Variants in ADIPOR2 observed in about 807,000 individuals in gnomAD.
ADIPOR2 encodes the protein adiponectin receptor protein 2.
ADIPOR2 carries 18 observed loss-of-function variants against 40.9 expected under a neutral mutation model. The ratio of observed to expected loss-of-function variants is 0.44; its 90% CI spans 0.30 to 0.65. The LOEUF is 0.65. Among genes scored for constraint, ADIPOR2 ranks in the 30% least tolerant of loss-of-function variants. The probability of loss-of-function intolerance (pLI) is 0.09; values close to 1 mark genes in which losing one functional copy is unlikely to be tolerated. For synonymous variants in ADIPOR2, 165 were observed against 166.4 expected (o/e 0.99, Z 0.06); for missense variants, 283 against 479.2 (o/e 0.59, Z 3.82).
At chr12:1,745,074 T>C (rs1353741769) in intron 1 of ADIPOR2, among the ~76,000 whole-genome samples, 3 of 152,184 alleles carry the variant, frequency 2.0e-5, no homozygotes, top group Non-Finnish European at 2.9e-5. Context: ...ATTGAAACCC[T>C]AGCAAAACTG....
At position 1,769,701 on chromosome 12, in the gene ADIPOR2, C is replaced by G. The variant is rs1174434393; in HGVS notation, c.172-3141C>G. Among the ~76,000 whole-genome samples, 8 of 152,196 alleles carry G rather than the reference C, an allele frequency of 5.3e-5. No individual in the cohort carries two copies. In the East Asian group the frequency reaches 1.2e-3, roughly 22 times the overall value. ...GGATTACAGGCGCTCGCCACCTCAC[C>G]TGGCTGATTCTTGTATTTGTAGTAG... is the stretch of plus-strand genomic sequence containing the variant. On this transcript the variant is annotated intron_variant, in intron 2 of 7. Coordinates refer to ENST00000357103, the MANE Select transcript of ADIPOR2 (RefSeq NM_024551.3).
At chr12:1,781,105 ACATT>A (rs758464563) in intron 6 of ADIPOR2, 29 bp downstream of exon 6, 2 of 1,521,484 alleles carry the variant, frequency 1.3e-6, no homozygotes, top group Admixed American at 4.4e-5. Flanking sequence ...TCTACATTCG[ACATT>A]CATTTATTCA....
intron 1 of ADIPOR2, among the ~76,000 whole-genome samples, chr12:1,744,371 T>A (rs926745958): frequency 2.0e-5 from 3 of 152,348 alleles, no homozygotes; most frequent in African/African-American, 7.2e-5. Context: ...CCCAAAGTGC[T>A]GGGATTGCAG....
chr12:1,786,043 G>A lies in ADIPOR2; in HGVS notation c.1132G>A (p.Gly378Arg), dbSNP rs1447199106. 5.6e-6 allele frequency: 9 copies of A among 1,614,002 alleles called. No homozygotes were observed. Among genetic ancestry groups the A allele is most frequent in the Non-Finnish European group, 5.9e-6 (7 of 1,180,010 alleles). The part of the protein sequence containing the change: ...NLQEFRFMIG[G>R]GCSEEDAL ...CCAGGAGTTTCGTTTCATGATCGGC[G>A]GGGGCTGCAGTGAAGAGGATGCACT... The change falls in exon 8 of 8, where the codon GGG (glycine) becomes AGG (arginine). Residue 378 changes from glycine to arginine, a missense_variant. By Grantham distance (125) the Gly-to-Arg change is moderately radical (BLOSUM62 -2). Around this residue, in one of 3 missense-constraint regions of ADIPOR2, gnomAD observed 106 missense variants for 149.7 expected, o/e 0.71. Transcript: ENST00000357103.
At chr12:1,725,776 C>T (rs952098950) in intron 1 of ADIPOR2, among the ~76,000 whole-genome samples, 23 of 151,978 alleles carry the variant, frequency 1.5e-4, no homozygotes, top group African/African-American at 5.1e-4. Flanking sequence ...AATAATAAAG[C>T]CTACGTTAAT....
chr12:1,758,877 T>G (rs1370268610), intron 2 of ADIPOR2, among the ~76,000 whole-genome samples: 1 of 152,256 alleles, frequency 6.6e-6, no homozygotes, highest in Non-Finnish European at 1.5e-5. Context: ...AACTATACTC[T>G]GAAATAGAGC....
chr12:1,759,358 C>CATA (rs1334251564), intron 2 of ADIPOR2, among the ~76,000 whole-genome samples: 1 of 152,146 alleles, frequency 6.6e-6, no homozygotes, highest in Non-Finnish European at 1.5e-5. Context: ...TCATTTAAAA[C>CATA]ATTATGGGAG....
At chr12:1,757,532 C>G in intron 2 of ADIPOR2, 1 of 831,538 alleles carries the variant, frequency 1.2e-6, no homozygotes, top group South Asian at 1.4e-5. Flanking sequence ...TGCCAATCTC[C>G]AAATCTGTCT....
chr12:1,711,613 CCTCTCTCTCT>C (rs3052417), intron 1 of ADIPOR2, among the ~76,000 whole-genome samples: 56,966 of 149,532 alleles, frequency 0.38, 12,208 homozygotes, highest in Non-Finnish European at 0.49. Context: ...TTTGTCTCTT[CCTCTCTCTCT>C]CTCTCTCTCT....
At chr12:1,706,487 C>T (rs2094662954) in intron 1 of ADIPOR2, among the ~76,000 whole-genome samples, 1 of 152,118 alleles carries the variant, frequency 6.6e-6, no homozygotes, top group African/African-American at 2.4e-5. Context: ...GTTTAGGAGG[C>T]TACTATTACT....
chr12:1,691,720 G>T (rs546785871), intron 1 of ADIPOR2, among the ~76,000 whole-genome samples: 56 of 152,272 alleles, frequency 3.7e-4, no homozygotes, highest in African/African-American at 1.3e-3. Context: ...CTTGGTACCT[G>T]GAGTCCTGTT....
chr12:1,729,188 G>C (rs975832833), intron 1 of ADIPOR2, among the ~76,000 whole-genome samples: 1 of 151,974 alleles, frequency 6.6e-6, no homozygotes, highest in Non-Finnish European at 1.5e-5. Context: ...ACTGGAAGCT[G>C]TCAGGACTGA....
intron 1 of ADIPOR2, among the ~76,000 whole-genome samples, chr12:1,728,810 T>C (rs778472578): frequency 3.9e-5 from 6 of 152,146 alleles, no homozygotes; most frequent in Non-Finnish European, 7.4e-5. Flanking sequence ...GTGAAAATTT[T>C]CTGTGTTAGT....
chr12:1,735,672 C>A (rs1418632429), intron 1 of ADIPOR2, among the ~76,000 whole-genome samples: 1 of 152,206 alleles, frequency 6.6e-6, no homozygotes, highest in Non-Finnish European at 1.5e-5. Context: ...CTGTCTTATG[C>A]CAGTTTTCAA....
chr12:1,742,531 A>T (rs903204267), intron 1 of ADIPOR2, among the ~76,000 whole-genome samples: 3 of 152,246 alleles, frequency 2.0e-5, no homozygotes, highest in Non-Finnish European at 4.4e-5. Flanking sequence ...AGTAGAATAC[A>T]GTCATCCTTT....
chr12:1,728,390 A>G (rs139566521), intron 1 of ADIPOR2, among the ~76,000 whole-genome samples: 2,279 of 151,934 alleles, frequency 0.015, 22 homozygotes, highest in Middle Eastern at 0.054. Flanking sequence ...GATTACAGGC[A>G]TGAACACCAC....
chr12:1,783,694 G>T (rs1592635545), intron 6 of ADIPOR2, among the ~76,000 whole-genome samples, 186 bp from the exon 7 acceptor site: 1 of 152,206 alleles, frequency 6.6e-6, no homozygotes. Context: ...GAACATAGCT[G>T]TGTTGTCTTG....
At chr12:1,751,531 G>C (rs1479433462) in intron 1 of ADIPOR2, among the ~76,000 whole-genome samples, 5 of 151,980 alleles carry the variant, frequency 3.3e-5, no homozygotes, top group Non-Finnish European at 5.9e-5. Context: ...TTACGAGATG[G>C]GGTCTTTGCT....
rs537605834 is a variant in ADIPOR2 at position 1,780,776 on chromosome 12, G to A, written c.651-113G>A. On this transcript the variant is annotated intron_variant, in intron 5 of 7. Transcript: ENST00000357103. ...TTTTTAAAAATTAAAGAGCAACCCA[G>A]TTTGGCTCTTAGGTGTCGTTGATGG... The A allele has an allele frequency of 5.2e-5, 71 of 1,363,746 alleles. No individual in the cohort carries two copies. In the African/African-American group the frequency reaches 8.8e-4, roughly 17 times the overall value. The allele number at this position is 1,363,746 out of a possible 1,614,324, so 84.5% of individuals were successfully genotyped here. A position where few individuals can be genotyped will look rare whatever the true frequency, so the allele number is the denominator to read the frequency against.
Sources: gnomAD v4.1 joint callset for allele counts (sites outside exome capture counted in the v4.1 genomes callset) on GRCh38, gnomAD v4.1.1 for gene constraint, gnomAD v4.1.1 regional missense constraint, MANE v1.5 for transcripts, NCBI Gene and HGNC (gene_info 2026-07-23, HGNC 2026-07-21) for gene names.